CCDC33: variants seen among roughly 807,000 people sequenced by gnomAD.
CCDC33 encodes the protein coiled-coil domain-containing protein 33.
CCDC33 carries 94 observed loss-of-function variants against 91.9 expected under a neutral mutation model. The ratio of observed to expected loss-of-function variants is 1.02; its 90% CI spans 0.87 to 1.21. The LOEUF is 1.21. CCDC33 is among the 50% of genes most tolerant of loss of function. The probability of loss-of-function intolerance (pLI) is 0.00; values close to 1 mark genes in which losing one functional copy is unlikely to be tolerated. For missense variants in CCDC33, 940 were observed against 935.5 expected, an observed-to-expected ratio of 1.00 and a Z score of -0.06; for synonymous variants, 396 against 374.5, an observed-to-expected ratio of 1.06 and a Z score of -0.66.
At chr15:74,255,002 C>T (rs1254496303) in intron 2 of CCDC33, among the ~76,000 whole-genome samples, 1 of 152,056 alleles carries the variant, frequency 6.6e-6, no homozygotes, top group Non-Finnish European at 1.5e-5. Context: ...CCTGCCTCGG[C>T]CTCCCAAAAT....
chr15:74,285,989 TGTAATC>T (rs2059466322), intron 10 of CCDC33, among the ~76,000 whole-genome samples: 1 of 152,204 alleles, frequency 6.6e-6, no homozygotes, highest in African/African-American at 2.4e-5. Context: ...GGCTCACGCC[TGTAATC>T]CCAAGACTTT....
intron 11 of CCDC33, among the ~76,000 whole-genome samples, chr15:74,311,007 G>A (rs2059983393): frequency 6.6e-6 from 1 of 152,212 alleles, no homozygotes; most frequent in Admixed American, 6.5e-5. Flanking sequence ...CAGGGCTGGG[G>A]AGGAGGCTTG....
intron 11 of CCDC33, among the ~76,000 whole-genome samples, chr15:74,324,531 C>T (rs892281810): frequency 6.6e-6 from 1 of 152,030 alleles, no homozygotes; most frequent in African/African-American, 2.4e-5. Flanking sequence ...CTGCTCTCGC[C>T]GCTTTTCCTC....
intron 5 of CCDC33, among the ~76,000 whole-genome samples, chr15:74,270,927 G>T (rs546494258): frequency 1.5e-3 from 232 of 152,314 alleles, no homozygotes; most frequent in African/African-American, 5.2e-3. Flanking sequence ...GGACTGGGAG[G>T]CAGGGAAGCC....
At chr15:74,284,502 C>G (rs941121341) in intron 10 of CCDC33, among the ~76,000 whole-genome samples, 3 of 152,132 alleles carry the variant, frequency 2.0e-5, no homozygotes, top group Non-Finnish European at 4.4e-5. Flanking sequence ...CATCATTGTT[C>G]TCTATGCAAC....
intron 8 of CCDC33, 89 bp downstream of exon 8, chr15:74,280,181 C>A: frequency 6.7e-7 from 1 of 1,487,922 alleles, no homozygotes; most frequent in South Asian, 1.2e-5. Flanking sequence ...ACCTCTGCCT[C>A]CCACAGGGAT....
Position 74,321,747 on chromosome 15 carries a change from G to A in CCDC33, c.1291-8442G>A, listed in dbSNP as rs564044822. Reference sequence around the variant, plus strand: ...TAAAAGTATTGGGAAATTTAGATTAGCCAAGAGAGACCTCTCTGACATTCA... The same window carrying A: ...TAAAAGTATTGGGAAATTTAGATTAACCAAGAGAGACCTCTCTGACATTCA... On this transcript the variant is annotated intron_variant, in intron 11 of 18. Transcript: ENST00000398814. Among the ~76,000 whole-genome samples the A allele has an allele frequency of 9.9e-5, 15 of 152,282 alleles. No homozygotes were observed. The South Asian group carries it at 3.1e-3, about 32-fold the overall frequency.
rs563953359 is a variant in CCDC33 at position 74,272,319 on chromosome 15, T to C, written c.639-452T>C. 1.1e-4 allele frequency among the ~76,000 whole-genome samples: 16 copies of C among 152,300 alleles called. No homozygotes were observed. In the South Asian group the frequency reaches 3.1e-3, roughly 30 times the overall value. On this transcript the variant is annotated intron_variant, in intron 6 of 18. Transcript: ENST00000398814. ...TCCCTCCTCATCCTGGAGGTCTCCC[T>C]GGTCCCAGCCACAACTCATCCCCTC...
chr15:74,335,867 G>C, intron 18 of CCDC33, 58 bp from the exon 19 acceptor site: 1 of 1,341,050 alleles, frequency 7.5e-7, no homozygotes, highest in African/African-American at 1.4e-5. Context: ...ATATGCCCTT[G>C]AGCAGGTCAC....
intron 2 of CCDC33, among the ~76,000 whole-genome samples, chr15:74,229,458 A>T (rs1324248910): frequency 6.6e-6 from 1 of 152,180 alleles, no homozygotes; most frequent in East Asian, 1.9e-4. Context: ...CCACCACTGC[A>T]CTCCAGCCTG....
intron 1 of CCDC33, chr15:74,207,928 G>A (rs2074298610): frequency 6.8e-7 from 1 of 1,467,360 alleles, no homozygotes; most frequent in Non-Finnish European, 9.0e-7. Context: ...GAAGAGTATG[G>A]GTGACTCTCC....
chr15:74,245,075 G>T (rs1164738011), intron 2 of CCDC33, among the ~76,000 whole-genome samples: 1 of 152,134 alleles, frequency 6.6e-6, no homozygotes, highest in African/African-American at 2.4e-5. Context: ...CACCAGAGTT[G>T]AGCTCTCCCT....
chr15:74,332,646 C>T, intron 15 of CCDC33, 33 bp from the exon 16 acceptor site: 1 of 1,607,212 alleles, frequency 6.2e-7, no homozygotes, highest in Non-Finnish European at 8.5e-7. Flanking sequence ...GCAGGAGAGC[C>T]CATCTCACCA....
At chr15:74,330,868 A>C in intron 13 of CCDC33, 113 bp from the exon 14 acceptor site, 1 of 1,512,198 alleles carries the variant, frequency 6.6e-7, no homozygotes, top group South Asian at 1.2e-5. Context: ...GCACGGAAGA[A>C]AGGGGGACCA....
At chr15:74,233,331 C>G (rs2075044152), upstream of CCDC33, among the ~76,000 whole-genome samples, 1 of 152,248 alleles carries the variant, frequency 6.6e-6, no homozygotes, top group Non-Finnish European at 1.5e-5. Flanking sequence ...TCTCTATGCT[C>G]CCACTGCCAC....
At chr15:74,212,922 T>A (rs908201913), upstream of CCDC33, 1 of 151,952 alleles carries the variant, frequency 6.6e-6, no homozygotes, top group Non-Finnish European at 1.5e-5. Context: ...ACAAATAAAT[T>A]CTCAGGCCTA....
intron 11 of CCDC33, among the ~76,000 whole-genome samples, chr15:74,324,214 T>C (rs2060263417): frequency 6.6e-6 from 1 of 151,974 alleles, no homozygotes; most frequent in Admixed American, 6.6e-5. Flanking sequence ...TTTACCTTCA[T>C]GGAGAGGGCA....
intron 16 of CCDC33, chr15:74,333,255 T>C: frequency 6.2e-7 from 1 of 1,603,234 alleles, no homozygotes. Flanking sequence ...GGAGGAGACT[T>C]GACAGAGAGG....
upstream of CCDC33, among the ~76,000 whole-genome samples, chr15:74,215,573 C>T (rs539324391): frequency 5.3e-5 from 8 of 151,608 alleles, no homozygotes; most frequent in African/African-American, 1.9e-4. Flanking sequence ...TGTACACACA[C>T]ACCAAAAAAA....
Sources: gnomAD v4.1 joint callset for allele counts (sites outside exome capture counted in the v4.1 genomes callset) on GRCh38, gnomAD v4.1.1 for gene constraint, MANE v1.5 for transcripts, NCBI Gene and HGNC (gene_info 2026-07-23, HGNC 2026-07-21) for gene names.